MINDY2: variants seen among roughly 807,000 people sequenced by gnomAD.
The protein encoded by MINDY2 is ubiquitin carboxyl-terminal hydrolase MINDY-2.
In MINDY2, 52 loss-of-function variants were observed where a neutral mutation model predicts 68.2. The observed-to-expected ratio is 0.76, with a 90% confidence interval of 0.61 to 0.96. The LOEUF is 0.96. Ranked by LOEUF, MINDY2 falls within the 40% of genes least tolerant of loss-of-function variation. The pLI is 0.00. For missense variants in MINDY2, 881 were observed against 773.4 expected (o/e 1.14, Z -1.65); for synonymous variants, 372 against 303.0 (o/e 1.23, Z -2.36).
intron 8 of MINDY2, 148 bp from the exon 9 acceptor site, chr15:58,854,334 C>G (rs1451437946): frequency 7.4e-6 from 5 of 678,348 alleles, no homozygotes; most frequent in Non-Finnish European, 1.2e-5. Context: ...GCTCAGATAC[C>G]ATGTAATATA....
chr15:58,779,950 C>G (rs140421070), intron 1 of MINDY2, among the ~76,000 whole-genome samples: 2 of 152,296 alleles, frequency 1.3e-5, no homozygotes, highest in African/African-American at 4.8e-5. Flanking sequence ...CCAGGTGGTA[C>G]TAGCAATCAT....
At chr15:58,772,781 A>G (rs989481273) in intron 1 of MINDY2, among the ~76,000 whole-genome samples, 1 of 152,216 alleles carries the variant, frequency 6.6e-6, no homozygotes, top group African/African-American at 2.4e-5. Context: ...AGACCCAATT[A>G]CCGTAACTTC....
At chr15:58,822,214 G>A (rs554389387) in intron 5 of MINDY2, among the ~76,000 whole-genome samples, 113 of 151,094 alleles carry the variant, frequency 7.5e-4, no homozygotes, top group African/African-American at 2.5e-3. Flanking sequence ...AGATTGCGCC[G>A]CTGTACTCCA....
intron 2 of MINDY2, among the ~76,000 whole-genome samples, chr15:58,797,985 C>G (rs1359564618): frequency 1.3e-5 from 2 of 152,220 alleles, no homozygotes; most frequent in African/African-American, 4.8e-5. Context: ...CTGTCTCCAT[C>G]TGGGCACCTT....
At chr15:58,840,449 C>T (rs1167745092) in intron 6 of MINDY2, among the ~76,000 whole-genome samples, 1 of 151,962 alleles carries the variant, frequency 6.6e-6, no homozygotes, top group Non-Finnish European at 1.5e-5. Context: ...TAATAACATC[C>T]TCCATGAACC....
intron 1 of MINDY2, among the ~76,000 whole-genome samples, chr15:58,774,184 T>C (rs1900625577): frequency 6.6e-6 from 1 of 152,188 alleles, no homozygotes; most frequent in African/African-American, 2.4e-5. Flanking sequence ...CGTGAGGTAC[T>C]AGAAATGCAA....
chr15:58,799,285 C>A (rs958245752), intron 2 of MINDY2, among the ~76,000 whole-genome samples: 2 of 152,136 alleles, frequency 1.3e-5, no homozygotes, highest in African/African-American at 4.8e-5. Context: ...AAAGCAAACA[C>A]GGCTGGGCGC....
At chr15:58,811,553 T>C (rs1165374686) in intron 4 of MINDY2, among the ~76,000 whole-genome samples, 1 of 152,188 alleles carries the variant, frequency 6.6e-6, no homozygotes, top group Non-Finnish European at 1.5e-5. Context: ...AGGGAATACT[T>C]AGCAGAACAC....
At chr15:58,809,578 A>C (rs2030075765) in intron 3 of MINDY2, among the ~76,000 whole-genome samples, 1 of 152,204 alleles carries the variant, frequency 6.6e-6, no homozygotes. Flanking sequence ...TAGATTCACC[A>C]GTAGGAGAGG....
At chr15:58,817,308 G>A (rs1223658994) in intron 4 of MINDY2, among the ~76,000 whole-genome samples, 1 of 152,142 alleles carries the variant, frequency 6.6e-6, no homozygotes, top group Non-Finnish European at 1.5e-5. Context: ...ACTTGAATAG[G>A]CACTTCACAA....
intron 2 of MINDY2, among the ~76,000 whole-genome samples, chr15:58,792,678 C>G (rs776833295): frequency 3.3e-5 from 5 of 152,130 alleles, no homozygotes; most frequent in Non-Finnish European, 7.3e-5. Context: ...ACCGAAATGT[C>G]TTATCAACTG....
intron 2 of MINDY2, among the ~76,000 whole-genome samples, chr15:58,789,763 T>C (rs1901765207): frequency 6.6e-6 from 1 of 152,192 alleles, no homozygotes; most frequent in Non-Finnish European, 1.5e-5. Context: ...TTCTCCTGCC[T>C]CAGCCTCCCG....
chr15:58,840,136 A>AT lies in MINDY2; in HGVS notation c.1369-7157dup, dbSNP rs562124944. Among the ~76,000 whole-genome samples, 308 of 152,092 alleles carry AT rather than the reference A, an allele frequency of 2.0e-3. 2 individuals are homozygous for AT. Among genetic ancestry groups the AT allele is most frequent in the African/African-American group, 7.0e-3 (289 of 41,494 alleles). On this transcript the variant is annotated intron_variant, in intron 6 of 8. Transcript: ENST00000559228. ...GGCGTGAGCCACGCGTTTGGCCTCGATTTTATCTTTACATACTTTTTTAAG... is the reference window on the plus strand; with the variant it reads ...GGCGTGAGCCACGCGTTTGGCCTCGATTTTTATCTTTACATACTTTTTTAAG...
chr15:58,796,113 C>A (rs1302052952), intron 2 of MINDY2: 3 of 455,800 alleles, frequency 6.6e-6, no homozygotes, highest in Non-Finnish European at 1.3e-5. Context: ...GAAATGGAGC[C>A]TCAAGGGCAG....
intron 4 of MINDY2, among the ~76,000 whole-genome samples, chr15:58,820,840 A>T (rs1007270815): frequency 2.6e-5 from 4 of 152,134 alleles, no homozygotes; most frequent in African/African-American, 9.7e-5. Context: ...TGAATGTAGG[A>T]AGAAAACATT....
chr15:58,821,928 TTA>T (rs1368193095), intron 5 of MINDY2, 109 bp downstream of exon 5: 1 of 667,282 alleles, frequency 1.5e-6, no homozygotes, highest in African/African-American at 1.9e-5. Context: ...AAAACACATG[TTA>T]TATTACTTGT....
At chr15:58,789,927 G>A (rs1243611376) in intron 2 of MINDY2, among the ~76,000 whole-genome samples, 7 of 151,790 alleles carry the variant, frequency 4.6e-5, no homozygotes, top group Non-Finnish European at 7.4e-5. Context: ...GATTGCAGGC[G>A]TGAGCCACCG....
intron 5 of MINDY2, among the ~76,000 whole-genome samples, chr15:58,823,892 A>G (rs1464378042): frequency 6.6e-6 from 1 of 152,240 alleles, no homozygotes; most frequent in African/African-American, 2.4e-5. Flanking sequence ...TTGCATTCCT[A>G]TACAAGCTCT....
chr15:58,780,729 T>A (rs2140901893), intron 1 of MINDY2, among the ~76,000 whole-genome samples: 1 of 152,306 alleles, frequency 6.6e-6, no homozygotes, highest in Non-Finnish European at 1.5e-5. Context: ...ACACTTCTAG[T>A]TTCAGAGTCT....
Sources: allele counts gnomAD v4.1 joint callset (sites outside exome capture counted in the v4.1 genomes callset), GRCh38; gene constraint gnomAD v4.1.1; transcripts MANE v1.5; gene names NCBI Gene and HGNC (gene_info 2026-07-23, HGNC 2026-07-21).